The following CRYBG1 variants were observed in gnomAD, a reference collection of about 807,000 sequenced individuals.
CRYBG1 encodes the protein crystallin beta-gamma domain containing 1.
In CRYBG1, 139 loss-of-function variants were observed where a neutral mutation model predicts 189.2. The observed-to-expected ratio is 0.73, with a 90% CI of 0.64 to 0.85. CRYBG1 has a LOEUF of 0.85. CRYBG1 is among the 40% of genes least tolerant of loss of function. The pLI, the probability that CRYBG1 is intolerant of heterozygous loss-of-function variation, is 0.00. For missense variants in CRYBG1, 2,611 were observed against 2,675.8 expected, an observed-to-expected ratio of 0.98 and a Z score of 0.53; for synonymous variants, 1,023 against 1,017.1, an observed-to-expected ratio of 1.01 and a Z score of -0.11.
In CRYBG1 at chr6:106,544,579, C is replaced by G; in HGVS notation, c.5048C>G (p.Ala1683Gly). ...TGTTCTTTATGTTGCAGTTGGGTTG[C>G]ATATGAGAAACCTGGATTTACCGGT... ...SMKVLRGIWVAYEKPGFTGHQ... is the reference protein window; with the variant it reads ...SMKVLRGIWVGYEKPGFTGHQ... Residue 1683 changes from alanine (A) to glycine (G), a missense_variant, in exon 12 of 22, where the codon GCA (alanine) becomes GGA (glycine). Around this residue, in one of 3 missense-constraint regions of CRYBG1, gnomAD observed 1,622 missense variants for 1,735.0 expected, o/e 0.93. Coordinates refer to ENST00000633556, the MANE Select transcript of CRYBG1 (RefSeq NM_001371242.2). 1 of 1,613,526 alleles carries G rather than the reference C, an allele frequency of 6.2e-7. No individual in the cohort carries two copies. The highest frequency in any genetic ancestry group is 8.5e-7 in the Non-Finnish European group (1 of 1,179,744).
rs1209887498 is a variant in CRYBG1 at position 106,569,003 on chromosome 6, G to GT, written c.*437_*438insT. On this transcript the variant is annotated 3_prime_UTR_variant, in exon 22 of 22. Coordinates refer to ENST00000633556, the MANE Select transcript of CRYBG1 (RefSeq NM_001371242.2). ...CAAAGGCTTAAGTTTGAAAGGTAGA[G>GT]AACTGTTTAGCATCTGAGAAGAAAT... is the stretch of plus-strand genomic sequence containing the variant. 1 of 159,584 alleles carries GT rather than the reference G, an allele frequency of 6.3e-6. No homozygotes were observed. The highest frequency in any genetic ancestry group is 1.4e-5 in the Non-Finnish European group (1 of 72,322). 9.9% of individuals were successfully genotyped at this position (159,584 alleles called of 1,614,324 possible).
At chr6:106,502,056 C>T (rs1773023614) in intron 2 of CRYBG1, among the ~76,000 whole-genome samples, 1 of 152,166 alleles carries the variant, frequency 6.6e-6, no homozygotes, top group Non-Finnish European at 1.5e-5. Context: ...GGGCCTCTGA[C>T]TTGGCTGTAG....
chr6:106,382,829 T>C (rs1433697377), intron 1 of CRYBG1, among the ~76,000 whole-genome samples: 3 of 152,228 alleles, frequency 2.0e-5, no homozygotes, highest in Non-Finnish European at 2.9e-5. Flanking sequence ...CTTGTGATTA[T>C]TATAAAAAAT....
chr6:106,551,809 T>C (rs1293954704), intron 13 of CRYBG1, 43 bp from the exon 14 acceptor site: 3 of 1,588,260 alleles, frequency 1.9e-6, no homozygotes, highest in Non-Finnish European at 2.6e-6. Context: ...TCGTTTTATA[T>C]GTAAAATATG....
intron 7 of CRYBG1, among the ~76,000 whole-genome samples, chr6:106,529,502 C>T (rs2114553849): frequency 6.6e-6 from 1 of 152,272 alleles, no homozygotes; most frequent in East Asian, 1.9e-4. Context: ...GTTAATATTT[C>T]TTCTGTCACT....
At chr6:106,386,721 T>A (rs930197434) in intron 1 of CRYBG1, among the ~76,000 whole-genome samples, 1 of 152,182 alleles carries the variant, frequency 6.6e-6, no homozygotes, top group Non-Finnish European at 1.5e-5. Flanking sequence ...CCGCTAGACA[T>A]ACCATCAAGA....
intron 2 of CRYBG1, among the ~76,000 whole-genome samples, chr6:106,496,067 T>A (rs1772843418): frequency 6.6e-6 from 1 of 152,178 alleles, no homozygotes; most frequent in African/African-American, 2.4e-5. Context: ...CCTGTCCCCA[T>A]AACAAGTTAT....
chr6:106,515,252 A>C (rs375569338), intron 3 of CRYBG1, among the ~76,000 whole-genome samples: 50 of 152,356 alleles, frequency 3.3e-4, no homozygotes, highest in African/African-American at 1.1e-3. Flanking sequence ...CCCCTGTCTC[A>C]TAATGAAGGC....
Position 106,543,430 on chromosome 6 carries a change from T to C in CRYBG1, c.4882-10T>C. ...TTACAGATTACTGGTATATCTCATT[T>C]CTATTGTAGGTAGTTGTTTATGAAA... On this transcript the variant is annotated splice_polypyrimidine_tract_variant and intron_variant, in intron 10 of 21. Transcript: ENST00000633556. 1.2e-6 allele frequency: 2 copies of C among 1,607,624 alleles called. No homozygotes were observed. Among genetic ancestry groups the C allele is most frequent in the East Asian group, 4.5e-5 (2 of 44,824 alleles).
Position 106,558,769 on chromosome 6 carries a change from C to A in CRYBG1, c.5855+144C>A, listed in dbSNP as rs111771622. On this transcript the variant is annotated intron_variant, in intron 18 of 21. Transcript: ENST00000633556. ...TTTGAATCCAGGGATTCAAGAAAAG[C>A]CTGGGCAACAAAGTGAGACCCCATC... 10 of 665,602 alleles carry A rather than the reference C, an allele frequency of 1.5e-5. 1 individual carries two copies. The highest frequency in any genetic ancestry group is 9.5e-5 in the African/African-American group (5 of 52,744). The allele number at this position is 665,602 out of a possible 1,614,324, so 41.2% of individuals were successfully genotyped here. A position where few individuals can be genotyped will look rare whatever the true frequency, so the allele number is the denominator to read the frequency against.
At chr6:106,508,165 C>G (rs1773170584) in intron 2 of CRYBG1, among the ~76,000 whole-genome samples, 1 of 152,260 alleles carries the variant, frequency 6.6e-6, no homozygotes, top group East Asian at 1.9e-4. Flanking sequence ...ATCACTTGAG[C>G]CTAGGAGGTT....
chr6:106,406,199 T>C (rs1265152030), intron 1 of CRYBG1, among the ~76,000 whole-genome samples: 1 of 151,978 alleles, frequency 6.6e-6, no homozygotes, highest in Non-Finnish European at 1.5e-5. Flanking sequence ...CTGATGGAGC[T>C]GAAAAACACA....
chr6:106,517,519 C>CAT (rs1414423648), intron 3 of CRYBG1, among the ~76,000 whole-genome samples: 35 of 150,776 alleles, frequency 2.3e-4, no homozygotes, highest in African/African-American at 8.1e-4. Flanking sequence ...TACACACACA[C>CAT]ATATATATAA....
chr6:106,418,382 T>A (rs1287120282), intron 1 of CRYBG1, among the ~76,000 whole-genome samples: 1 of 152,268 alleles, frequency 6.6e-6, no homozygotes, highest in Non-Finnish European at 1.5e-5. Flanking sequence ...AGCAGTCTGA[T>A]CTTTCAGGCT....
At chr6:106,456,871 G>A (rs151030862) in intron 2 of CRYBG1, among the ~76,000 whole-genome samples, 157 of 152,176 alleles carry the variant, frequency 1.0e-3, no homozygotes, top group African/African-American at 3.7e-3. Context: ...TCCATCCCCT[G>A]GGCCATATCT....
rs1383064881 is a variant in CRYBG1, at chr6:106,569,135, G to A, written c.*569G>A. 2 of 152,180 alleles carry A rather than the reference G, an allele frequency of 1.3e-5. No individual in the cohort carries two copies. The highest frequency in any genetic ancestry group is 3.9e-4 in the East Asian group (2 of 5,184). 9.4% of individuals were successfully genotyped at this position (152,180 alleles called of 1,614,324 possible). A position where few individuals can be genotyped will look rare whatever the true frequency, so the allele number is the denominator to read the frequency against. On this transcript the variant is annotated 3_prime_UTR_variant, in exon 22 of 22. Transcript: ENST00000633556. ...AGCCTTAGGTATTCACACATTTAAG[G>A]AACTCTAAACAAAATACTATTTTCC... is the stretch of plus-strand genomic sequence containing the variant.
At chr6:106,404,593 G>C (rs1040203698) in intron 1 of CRYBG1, among the ~76,000 whole-genome samples, 2 of 152,172 alleles carry the variant, frequency 1.3e-5, no homozygotes, top group Non-Finnish European at 1.5e-5. Context: ...GGGCTGGCAA[G>C]ATGCCCAAAT....
At chr6:106,563,666 T>C in intron 20 of CRYBG1, 98 bp from the exon 21 acceptor site, 1 of 1,287,850 alleles carries the variant, frequency 7.8e-7, no homozygotes, top group Admixed American at 2.3e-5. Context: ...AGCTAGGAAC[T>C]AAGATAATTT....
chr6:106,429,004 A>G (rs1304035972), intron 1 of CRYBG1, among the ~76,000 whole-genome samples: 1 of 152,230 alleles, frequency 6.6e-6, no homozygotes, highest in African/African-American at 2.4e-5. Context: ...GCTGCTGTTC[A>G]CTTGGTATTA....
Sources: gnomAD v4.1 joint callset for allele counts (sites outside exome capture counted in the v4.1 genomes callset) on GRCh38, gnomAD v4.1.1 for gene constraint, gnomAD v4.1.1 regional missense constraint, MANE v1.5 for transcripts, NCBI Gene and HGNC (gene_info 2026-07-23, HGNC 2026-07-21) for gene names.